NCALD: variants seen among roughly 807,000 people sequenced by gnomAD.
The protein encoded by NCALD is neurocalcin delta, also known as neurocalcin-delta.
Under a neutral mutation model 18.6 loss-of-function variants are expected in NCALD, and 10 were observed. The observed-to-expected ratio is 0.54, with a 90% CI of 0.33 to 0.91. The LOEUF is 0.91. Ranked by LOEUF, NCALD falls within the 40% of genes least tolerant of loss-of-function variation. NCALD has a pLI of 0.03. For synonymous variants in NCALD, 88 were observed against 87.4 expected (o/e 1.01, Z -0.04); for missense variants, 184 against 247.6 (o/e 0.74, Z 1.72).
At chr8:101,993,331 A>G (rs552435884) in intron 2 of NCALD, among the ~76,000 whole-genome samples, 8 of 152,188 alleles carry the variant, frequency 5.3e-5, no homozygotes, top group Admixed American at 5.2e-4. Flanking sequence ...CACAGCGCCT[A>G]ACAAGGGCAC....
intron 2 of NCALD, among the ~76,000 whole-genome samples, chr8:101,702,384 T>C (rs1815310089): frequency 6.6e-6 from 1 of 151,992 alleles, no homozygotes; most frequent in African/African-American, 2.4e-5. Context: ...CACAGGCATG[T>C]GCCACCACAC....
intron 2 of NCALD, among the ~76,000 whole-genome samples, chr8:102,016,476 G>C (rs1019507845): frequency 6.6e-6 from 1 of 152,166 alleles, no homozygotes; most frequent in East Asian, 1.9e-4. Context: ...CCCCTTTGTG[G>C]AGCAAGGATG....
At chr8:101,991,565 C>T (rs1821049775) in intron 2 of NCALD, among the ~76,000 whole-genome samples, 1 of 152,100 alleles carries the variant, frequency 6.6e-6, no homozygotes, top group Non-Finnish European at 1.5e-5. Flanking sequence ...CTGAGTTCTC[C>T]TCCCAGGCAA....
chr8:102,082,749 A>T (rs571329496), intron 1 of NCALD, among the ~76,000 whole-genome samples: 1 of 152,342 alleles, frequency 6.6e-6, no homozygotes, highest in African/African-American at 2.4e-5. Context: ...CATGGTGGTT[A>T]AATAGAAGCC....
At chr8:102,032,654 A>T (rs76371987) in intron 1 of NCALD, among the ~76,000 whole-genome samples, 3,739 of 148,754 alleles carry the variant, frequency 0.025, 149 homozygotes, top group African/African-American at 0.086. Flanking sequence ...AGGACTGAGG[A>T]ATAGGCAGAT....
chr8:102,057,721 A>C (rs909379521), intron 1 of NCALD, among the ~76,000 whole-genome samples: 1 of 152,182 alleles, frequency 6.6e-6, no homozygotes, highest in Non-Finnish European at 1.5e-5. Flanking sequence ...CTCCACATTT[A>C]TCTCTCAGAT....
chr8:101,802,254 T>C (rs1433351340), intron 4 of NCALD, among the ~76,000 whole-genome samples: 6 of 152,162 alleles, frequency 3.9e-5, no homozygotes, highest in African/African-American at 9.7e-5. Context: ...ATGAAAAACT[T>C]AATTGATAGA....
At chr8:101,880,411 G>C (rs1411195978) in intron 4 of NCALD, among the ~76,000 whole-genome samples, 1 of 152,310 alleles carries the variant, frequency 6.6e-6, no homozygotes, top group African/African-American at 2.4e-5. Flanking sequence ...CCTGCAAGCA[G>C]AGGGAGCTGG....
At chr8:101,939,736 A>T (rs1267952151) in intron 2 of NCALD, among the ~76,000 whole-genome samples, 1 of 152,260 alleles carries the variant, frequency 6.6e-6, no homozygotes, top group Non-Finnish European at 1.5e-5. Flanking sequence ...GTCACATTGC[A>T]TTGACAAACC....
At chr8:101,712,480 G>C (rs999094508) in intron 2 of NCALD, among the ~76,000 whole-genome samples, 5 of 149,868 alleles carry the variant, frequency 3.3e-5, no homozygotes, top group Admixed American at 2.0e-4. Context: ...TGGATAAAGA[G>C]TCAAGACCCA....
chr8:101,888,005 A>T (rs1238550336), intron 3 of NCALD, among the ~76,000 whole-genome samples: 1 of 152,186 alleles, frequency 6.6e-6, no homozygotes, highest in African/African-American at 2.4e-5. Context: ...TATATCTATC[A>T]TCCAAGAGGA....
chr8:101,859,092 G>C lies in NCALD; in HGVS notation c.-20+28049C>G, dbSNP rs555644743. The stretch of plus-strand genomic sequence containing the variant: ...AGAGGCAGACCCACCCTCAATCTGG[G>C]TGGGCACCATCTAATCAGCTGCCAG... On this transcript the variant is annotated intron_variant, in intron 4 of 6. Transcript: ENST00000311028. Among the ~76,000 whole-genome samples, 9 of 152,254 alleles carry C rather than the reference G, an allele frequency of 5.9e-5. No individual in the cohort carries two copies. In the East Asian group the frequency reaches 1.7e-3, roughly 29 times the overall value.
At chr8:102,073,132 AT>A (rs1379244039) in intron 1 of NCALD, among the ~76,000 whole-genome samples, 1 of 152,140 alleles carries the variant, frequency 6.6e-6, no homozygotes, top group Admixed American at 6.5e-5. Flanking sequence ...TTGCAAAGTT[AT>A]TTTTTAAATC....
At chr8:101,701,943 T>A (rs1165787351) in intron 2 of NCALD, among the ~76,000 whole-genome samples, 2 of 152,160 alleles carry the variant, frequency 1.3e-5, no homozygotes, top group African/African-American at 4.8e-5. Context: ...CACCTATATA[T>A]CTGGAATAGC....
chr8:101,844,724 GA>G (rs1391256611), intron 4 of NCALD, among the ~76,000 whole-genome samples: 3 of 152,148 alleles, frequency 2.0e-5, no homozygotes, highest in Non-Finnish European at 4.4e-5. Context: ...CCCCTATAGA[GA>G]GAGGAAAAAG....
intron 2 of NCALD, among the ~76,000 whole-genome samples, chr8:101,718,287 C>A (rs540989017): frequency 6.6e-6 from 1 of 152,208 alleles, no homozygotes; most frequent in East Asian, 1.9e-4. Context: ...AAGGACATTG[C>A]CCCAAAGCAC....
chr8:102,099,169 A>C lies in NCALD; in HGVS notation c.-210+25068T>G, dbSNP rs562762894. ...TCTGGAATGTTCAGTTATCCAAGCT[A>C]TTTTGTCTAAGCAATTTGAGTTAGA... is the stretch of plus-strand genomic sequence containing the variant. On this transcript the variant is annotated intron_variant, in intron 1 of 6. Transcript: ENST00000311028. Among the ~76,000 whole-genome samples, 333 of 152,324 alleles carry C rather than the reference A, an allele frequency of 2.2e-3. 1 individual carries two copies. Among genetic ancestry groups the C allele is most frequent in the Non-Finnish European group, 3.5e-3 (241 of 68,030 alleles).
chr8:101,860,263 A>AT (rs1374983164), intron 4 of NCALD, among the ~76,000 whole-genome samples: 2 of 152,214 alleles, frequency 1.3e-5, no homozygotes, highest in Non-Finnish European at 2.9e-5. Flanking sequence ...GTTAGGTTCT[A>AT]TAAAAACAAG....
chr8:101,906,715 GGACTACA>G (rs1817623229), intron 3 of NCALD, among the ~76,000 whole-genome samples: 2 of 152,180 alleles, frequency 1.3e-5, no homozygotes, highest in African/African-American at 2.4e-5. Flanking sequence ...AACTAACTCA[GGACTACA>G]GAGTGGGTCA....
Sources: allele counts gnomAD v4.1 joint callset (sites outside exome capture counted in the v4.1 genomes callset), GRCh38; gene constraint gnomAD v4.1.1; transcripts MANE v1.5; gene names NCBI Gene and HGNC (gene_info 2026-07-23, HGNC 2026-07-21).